The following F9 variants were observed in gnomAD, a reference collection of about 807,000 sequenced individuals.
F9 encodes coagulation factor IX, also known as Christmas factor.
In F9, 2 loss-of-function variants were observed where a neutral mutation model predicts 34.1. The observed-to-expected ratio is 0.06, with a 90% CI of 0.02 to 0.18. F9 has a LOEUF of 0.18. Among genes scored for constraint, F9 ranks in the 10% least tolerant of loss-of-function variants. The probability of loss-of-function intolerance (pLI) is 1.00; values close to 1 mark genes in which losing one functional copy is unlikely to be tolerated. For missense variants in F9, 216 were observed against 345.1 expected (o/e 0.63, Z 2.96); for synonymous variants, 137 against 118.8 (o/e 1.15, Z -1.00).
chrX:139,551,055 T>C lies in F9; in HGVS notation c.521-7T>C. 9.1e-6 allele frequency: 11 copies of C among 1,206,888 alleles called. No homozygotes were observed. The highest frequency in any genetic ancestry group is 1.1e-5 in the Non-Finnish European group (10 of 891,070). ...TCAGGTTACTAATTTTTCTTCTATTTTTCTAGTGCCATTTCCATGTGGAAG... is the reference window on the plus strand; with the variant it reads ...TCAGGTTACTAATTTTTCTTCTATTCTTCTAGTGCCATTTCCATGTGGAAG... On this transcript the variant is annotated splice_region_variant and splice_polypyrimidine_tract_variant and intron_variant, in intron 5 of 7. Coordinates refer to ENST00000218099, the MANE Select transcript of F9 (RefSeq NM_000133.4).
intron 4 of F9, among the ~76,000 whole-genome samples, chrX:139,542,381 T>C (rs1165719072): frequency 8.9e-6 from 1 of 112,006 alleles, no homozygotes; most frequent in East Asian, 2.8e-4. Context: ...GTTTCCATTG[T>C]GGGGGACAAA....
intron 6 of F9, among the ~76,000 whole-genome samples, chrX:139,553,703 C>A (rs781060029): frequency 1.9e-5 from 2 of 106,942 alleles, no homozygotes. Flanking sequence ...GTCCCAGCTA[C>A]ACGGGAGGCT....
At chrX:139,551,561 C>T (rs974438946) in intron 6 of F9, among the ~76,000 whole-genome samples, 2 of 111,310 alleles carry the variant, frequency 1.8e-5, no homozygotes, top group Non-Finnish European at 3.8e-5. Context: ...CGCAGGTACT[C>T]AGGTTCAGGG....
chrX:139,558,462 C>G lies in F9; in HGVS notation c.724-2279C>G, dbSNP rs1395989450. Among the ~76,000 whole-genome samples, 5 of 113,431 alleles carry G rather than the reference C, an allele frequency of 4.4e-5. No homozygotes were observed. In the Admixed American group the frequency reaches 4.6e-4, roughly 10 times the overall value. Reference sequence around the variant, plus strand: ...AATTGTAGGGTGCACTTCCTGGGCACCTTTGAGGGTCTGCACTGCCCCAGC... The same window carrying G: ...AATTGTAGGGTGCACTTCCTGGGCAGCTTTGAGGGTCTGCACTGCCCCAGC... On this transcript the variant is annotated intron_variant, in intron 6 of 7. Coordinates refer to ENST00000218099, the MANE Select transcript of F9 (RefSeq NM_000133.4).
chrX:139,548,617 G>A (rs1347212835), intron 5 of F9, 126 bp downstream of exon 5: 1 of 682,626 alleles, frequency 1.5e-6, no homozygotes, highest in Admixed American at 3.8e-5. Flanking sequence ...AATATCAGTA[G>A]CTTGAATTAG....
At chrX:139,556,262 C>A (rs2148365094) in intron 6 of F9, among the ~76,000 whole-genome samples, 1 of 111,844 alleles carries the variant, frequency 8.9e-6, no homozygotes, top group South Asian at 3.8e-4. Flanking sequence ...GATAGTTAAC[C>A]GTATTAACCT....
intron 6 of F9, among the ~76,000 whole-genome samples, chrX:139,557,332 G>A: frequency 8.9e-6 from 1 of 112,163 alleles, no homozygotes; most frequent in Non-Finnish European, 1.9e-5. Context: ...CCAAAACCAA[G>A]TAGTTTGTAA....
intron 4 of F9, 107 bp from the exon 5 acceptor site, chrX:139,548,256 T>A (rs1222962635): frequency 2.3e-6 from 2 of 876,321 alleles, no homozygotes; most frequent in African/African-American, 2.0e-5. Context: ...GGGGGCAACA[T>A]GAATGCCCCC....
At chrX:139,544,324 A>G (rs1007866036) in intron 4 of F9, among the ~76,000 whole-genome samples, 2 of 110,711 alleles carry the variant, frequency 1.8e-5, no homozygotes, top group African/African-American at 6.6e-5. Context: ...CAGGGATATT[A>G]CCACTGTTAG....
At chrX:139,558,706 T>C (rs1441538403) in intron 6 of F9, among the ~76,000 whole-genome samples, 1 of 112,289 alleles carries the variant, frequency 8.9e-6, no homozygotes, top group Non-Finnish European at 1.9e-5. Flanking sequence ...GTGAGGACTT[T>C]TAAAACATAA....
At chrX:139,537,947 T>G (rs1056754127) in intron 3 of F9, among the ~76,000 whole-genome samples, 1 of 111,382 alleles carries the variant, frequency 9.0e-6, no homozygotes, top group African/African-American at 3.3e-5. Context: ...CCCAACTTCC[T>G]GTGGGCTGAC....
At chrX:139,558,324 A>G (rs1928016927) in intron 6 of F9, among the ~76,000 whole-genome samples, 1 of 113,336 alleles carries the variant, frequency 8.8e-6, no homozygotes, top group Non-Finnish European at 1.9e-5. Flanking sequence ...TCACCTCTCC[A>G]CCTTGATTGC....
chrX:139,530,876 A>G (rs972002979), intron 1 of F9, 24 bp downstream of exon 1: 4 of 1,085,038 alleles, frequency 3.7e-6, no homozygotes, highest in African/African-American at 3.6e-5. Context: ...TTTAAAATAC[A>G]TTGAGTATGC....
chrX:139,544,013 G>A (rs886971568), intron 4 of F9, among the ~76,000 whole-genome samples: 1 of 111,705 alleles, frequency 9.0e-6, no homozygotes, highest in Non-Finnish European at 1.9e-5. Context: ...CACCTCCTGC[G>A]CAAAACAAGC....
chrX:139,545,926 T>TA (rs4149701), intron 4 of F9, among the ~76,000 whole-genome samples: 1 of 110,947 alleles, frequency 9.0e-6, no homozygotes, highest in African/African-American at 3.3e-5. Context: ...TTCTTTTTTT[T>TA]AAATGTTTTA....
At chrX:139,534,788 G>T (rs763821933) in intron 1 of F9, among the ~76,000 whole-genome samples, 2 of 111,473 alleles carry the variant, frequency 1.8e-5, no homozygotes, top group Non-Finnish European at 3.8e-5. Context: ...ACTGAGGAAC[G>T]ACTGTAAATG....
At position 139,537,044 on chromosome X, in the gene F9, G is replaced by C; in HGVS notation, c.123G>C (p.Leu41=). The change falls in exon 2 of 8, where the codon CTG becomes CTC. Residue 41 remains leucine (L), a synonymous_variant. Coordinates refer to ENST00000218099, the MANE Select transcript of F9 (RefSeq NM_000133.4). ...FLDHENANKI[L]NRPKRYNSGK... ...ATCATGAAAACGCCAACAAAATTCTGAATCGGCCAAAGAGGTATAATTCAG... is the reference window on the plus strand; with the variant it reads ...ATCATGAAAACGCCAACAAAATTCTCAATCGGCCAAAGAGGTATAATTCAG... 8.3e-7 allele frequency: 1 copy of C among 1,209,314 alleles called. No homozygotes were observed. The highest frequency in any genetic ancestry group is 1.1e-6 in the Non-Finnish European group (1 of 894,215).
chrX:139,559,597 T>G (rs1224778000), intron 6 of F9, among the ~76,000 whole-genome samples: 1 of 111,222 alleles, frequency 9.0e-6, no homozygotes, highest in African/African-American at 3.3e-5. Context: ...GAGTCAGCTT[T>G]GTAGGTCTCC....
At chrX:139,550,353 G>A (rs938282484) in intron 5 of F9, among the ~76,000 whole-genome samples, 2 of 112,262 alleles carry the variant, frequency 1.8e-5, no homozygotes, top group African/African-American at 6.5e-5. Context: ...TTGAAGGAAA[G>A]TGATAAATGA....
Sources: gnomAD v4.1 joint callset for allele counts (sites outside exome capture counted in the v4.1 genomes callset) on GRCh38, gnomAD v4.1.1 for gene constraint, MANE v1.5 for transcripts, NCBI Gene and HGNC (gene_info 2026-07-23, HGNC 2026-07-21) for gene names.